PTPRG: variants seen among roughly 807,000 people sequenced by gnomAD.
PTPRG encodes the protein receptor-type tyrosine-protein phosphatase gamma.
A neutral mutation model predicts 165.3 loss-of-function variants in PTPRG; 102 were observed. The ratio of observed to expected loss-of-function variants is 0.62; its 90% CI spans 0.53 to 0.73. The LOEUF (loss-of-function observed/expected upper bound fraction) is 0.73, where lower values mean the gene tolerates loss of function less well. PTPRG is among the 30% of genes least tolerant of loss of function. PTPRG has a pLI of 0.00. For missense variants in PTPRG, 1,866 were observed against 1,861.4 expected (o/e 1.00, Z -0.05); for synonymous variants, 675 against 669.5 (o/e 1.01, Z -0.13).
At position 62,201,648 on chromosome 3, in the gene PTPRG, A is replaced by T; in HGVS notation, c.1377+94A>T. Reference sequence around the variant, plus strand: ...CACGAAGTGGCAGTATAATGTTGTTAAACTGCTCAGTGTAAAGCGGTTATA... The same window carrying T: ...CACGAAGTGGCAGTATAATGTTGTTTAACTGCTCAGTGTAAAGCGGTTATA... On this transcript the variant is annotated intron_variant, in intron 11 of 29. Coordinates refer to ENST00000474889, the MANE Select transcript of PTPRG (RefSeq NM_002841.4). The T allele has an allele frequency of 3.2e-6, 4 of 1,232,538 alleles. No individual in the cohort carries two copies. The South Asian group carries it at 5.5e-5, about 17-fold the overall frequency. The allele number at this position is 1,232,538 out of a possible 1,614,324, so 76.4% of individuals were successfully genotyped here. A position where few individuals can be genotyped will look rare whatever the true frequency, so the allele number is the denominator to read the frequency against.
At chr3:62,192,823 T>G (rs1291299617) in intron 9 of PTPRG, among the ~76,000 whole-genome samples, 2 of 152,222 alleles carry the variant, frequency 1.3e-5, no homozygotes, top group Non-Finnish European at 2.9e-5. Flanking sequence ...AAACCCGTAA[T>G]TGTATATGCA....
At chr3:62,278,101 T>A (rs1166602953) in intron 26 of PTPRG, among the ~76,000 whole-genome samples, 1 of 152,098 alleles carries the variant, frequency 6.6e-6, no homozygotes, top group Non-Finnish European at 1.5e-5. Flanking sequence ...AAGACATACA[T>A]ACTATTATTA....
At chr3:62,290,762 C>G (rs182502557) in intron 28 of PTPRG, among the ~76,000 whole-genome samples, 90 of 152,040 alleles carry the variant, frequency 5.9e-4, no homozygotes, top group African/African-American at 2.1e-3. Context: ...TTCCTTACAT[C>G]AAAGCAAGAA....
intron 4 of PTPRG, among the ~76,000 whole-genome samples, chr3:62,056,133 G>A (rs529390691): frequency 6.6e-6 from 1 of 152,188 alleles, no homozygotes; most frequent in South Asian, 2.1e-4. Context: ...TTAAAATTCA[G>A]CAGTGAGTAG....
Position 62,210,594 on chromosome 3 carries a change from A to C in PTPRG, c.2155+6644A>C, listed in dbSNP as rs913288742. 2.0e-5 allele frequency among the ~76,000 whole-genome samples: 3 copies of C among 152,154 alleles called. No homozygotes were observed. The highest frequency in any genetic ancestry group is 6.5e-5 in the Admixed American group (1 of 15,278). On this transcript the variant is annotated intron_variant, in intron 12 of 29. Transcript: ENST00000474889. This position sits in a 1 kb window ranked among gnomAD's most constrained non-coding sequence, Gnocchi z 4.1. The stretch of plus-strand genomic sequence containing the variant: ...GGTATACACTTGACCCTTGAAAAAC[A>C]GTCTTGAACTGCTTATATCCACTTA...
chr3:62,121,200 G>A (rs910650038), intron 5 of PTPRG, among the ~76,000 whole-genome samples: 15 of 150,830 alleles, frequency 9.9e-5, no homozygotes, highest in Admixed American at 2.0e-4. Context: ...TGATCCACCC[G>A]TCTCGGCCTC....
intron 2 of PTPRG, among the ~76,000 whole-genome samples, chr3:61,810,115 G>C (rs2035531007): frequency 6.6e-6 from 1 of 152,186 alleles, no homozygotes; most frequent in African/African-American, 2.4e-5. Flanking sequence ...AGTGATACTT[G>C]CAACTGTGAG....
At chr3:61,849,268 T>G (rs6766943) in intron 2 of PTPRG, among the ~76,000 whole-genome samples, 38,700 of 152,122 alleles carry the variant, frequency 0.25, 5,828 homozygotes, top group East Asian at 0.51. Flanking sequence ...ATGGCCACAA[T>G]TAATGCTTTC....
intron 1 of PTPRG, among the ~76,000 whole-genome samples, chr3:61,637,908 G>T (rs770151491): frequency 1.4e-5 from 2 of 143,448 alleles, no homozygotes; most frequent in Non-Finnish European, 3.1e-5. Flanking sequence ...TCATGTCTGT[G>T]AATTATTATT....
intron 1 of PTPRG, among the ~76,000 whole-genome samples, chr3:61,637,158 C>T (rs1327057328): frequency 1.3e-5 from 2 of 152,168 alleles, no homozygotes; most frequent in African/African-American, 4.8e-5. Context: ...ATTTTCAATT[C>T]TAAAAATCCT....
intron 1 of PTPRG, among the ~76,000 whole-genome samples, chr3:61,582,267 C>A (rs1420938269): frequency 6.6e-6 from 1 of 152,092 alleles, no homozygotes; most frequent in African/African-American, 2.4e-5. Flanking sequence ...CTGCACCTGG[C>A]CCTTATTTTG....
At chr3:61,668,571 A>C (rs1320972183) in intron 1 of PTPRG, among the ~76,000 whole-genome samples, 1 of 152,196 alleles carries the variant, frequency 6.6e-6, no homozygotes, top group African/African-American at 2.4e-5. Context: ...GTGGGGGGAG[A>C]CCAAGAATTG....
chr3:61,843,600 A>G (rs1184814383), intron 2 of PTPRG, among the ~76,000 whole-genome samples: 1 of 152,180 alleles, frequency 6.6e-6, no homozygotes, highest in Non-Finnish European at 1.5e-5. Context: ...CCTAGATTCT[A>G]CAGTCTTTCT....
intron 15 of PTPRG, among the ~76,000 whole-genome samples, chr3:62,251,465 A>G (rs1192783543): frequency 6.6e-6 from 1 of 152,176 alleles, no homozygotes; most frequent in Non-Finnish European, 1.5e-5. Context: ...CCTGGGCAAC[A>G]TAGCAAGACT....
chr3:61,644,006 G>A (rs886539243), intron 1 of PTPRG, among the ~76,000 whole-genome samples: 2 of 152,130 alleles, frequency 1.3e-5, no homozygotes, highest in African/African-American at 4.8e-5. Flanking sequence ...TATGTACACA[G>A]CCCCTACCCT....
At chr3:61,787,314 A>G (rs539937943) in intron 2 of PTPRG, among the ~76,000 whole-genome samples, 1 of 152,354 alleles carries the variant, frequency 6.6e-6, no homozygotes, top group Admixed American at 6.5e-5. Context: ...TCCGGAAACA[A>G]GAGAAACTCC....
At chr3:61,639,659 T>G (rs1411277498) in intron 1 of PTPRG, among the ~76,000 whole-genome samples, 1 of 152,174 alleles carries the variant, frequency 6.6e-6, no homozygotes, top group African/African-American at 2.4e-5. Context: ...ATTTTATTCT[T>G]TTTTGTGGCT....
rs146357286 is a variant in PTPRG at position 61,599,682 on chromosome 3, C to T, written c.85+37310C>T. 3.2e-4 allele frequency among the ~76,000 whole-genome samples: 48 copies of T among 150,728 alleles called. No individual in the cohort carries two copies. In the East Asian group the frequency reaches 6.2e-3, roughly 19 times the overall value. Reference sequence around the variant, plus strand: ...TAATTTTTTTTTTTTGTAGTAGAGACGGGGTTTTGCTATGTCACCCAGGCT... The same window carrying T: ...TAATTTTTTTTTTTTGTAGTAGAGATGGGGTTTTGCTATGTCACCCAGGCT... On this transcript the variant is annotated intron_variant, in intron 1 of 29. Coordinates refer to ENST00000474889, the MANE Select transcript of PTPRG (RefSeq NM_002841.4).
intron 2 of PTPRG, among the ~76,000 whole-genome samples, chr3:61,827,607 T>C (rs1354813257): frequency 6.6e-6 from 1 of 152,228 alleles, no homozygotes; most frequent in East Asian, 1.9e-4. Context: ...TCTCTGTCTA[T>C]CTAACCATGT....
Sources: allele counts gnomAD v4.1 joint callset (sites outside exome capture counted in the v4.1 genomes callset), GRCh38; gene constraint gnomAD v4.1.1; non-coding constraint Gnocchi (gnomAD v3.1); transcripts MANE v1.5; gene names NCBI Gene and HGNC (gene_info 2026-07-23, HGNC 2026-07-21).